The following CCDC57 variants were observed in gnomAD, a reference collection of about 807,000 sequenced individuals.
The protein encoded by CCDC57 is coiled-coil domain-containing protein 57.
CCDC57 carries 118 observed loss-of-function variants against 118.9 expected under a neutral mutation model. The ratio of observed to expected loss-of-function variants is 0.99; its 90% CI spans 0.86 to 1.16. The LOEUF is 1.16. CCDC57 is among the 50% of genes most tolerant of loss of function. The pLI is 0.00. For missense variants in CCDC57, 1,300 were observed against 1,320.7 expected, an observed-to-expected ratio of 0.98 and a Z score of 0.24; for synonymous variants, 527 against 532.9, an observed-to-expected ratio of 0.99 and a Z score of 0.15.
chr17:82,148,154 G>GATGGATGGATGGATGGATGGATGT (rs1568258432), intron 16 of CCDC57, among the ~76,000 whole-genome samples: 3 of 144,946 alleles, frequency 2.1e-5, no homozygotes, highest in Admixed American at 1.4e-4. Flanking sequence ...TGGATGGATG[G>GATGGATGGATGGATGGATGGATGT]ATGGATGGAT....
At chr17:82,157,710 A>G (rs753962316) in intron 15 of CCDC57, 38 bp downstream of exon 14, 4 of 1,550,990 alleles carry the variant, frequency 2.6e-6, no homozygotes, top group Non-Finnish European at 3.5e-6. Flanking sequence ...TGTGGCAGGA[A>G]CCTCGGCGGG....
intron 3 of CCDC57, 75 bp downstream of exon 2, chr17:82,201,463 A>T: frequency 2.1e-6 from 3 of 1,447,112 alleles, no homozygotes; most frequent in Non-Finnish European, 2.7e-6. Context: ...GTGCTCGGGC[A>T]GCACAGCGGA....
At chr17:82,152,040 C>A in intron 15 of CCDC57, 2 of 490,270 alleles carry the variant, frequency 4.1e-6, no homozygotes, top group Non-Finnish European at 7.3e-6. Context: ...CACAGCCCTC[C>A]GCCTCCTCCC....
At chr17:82,175,302 G>A (rs1443387951) in intron 11 of CCDC57, among the ~76,000 whole-genome samples, 1 of 152,276 alleles carries the variant, frequency 6.6e-6, no homozygotes, top group Non-Finnish European at 1.5e-5. Context: ...GTCCCAGGAC[G>A]CGCTGAGGGT....
intron 16 of CCDC57, among the ~76,000 whole-genome samples, chr17:82,148,043 T>G: frequency 2.3e-5 from 2 of 85,874 alleles, no homozygotes; most frequent in African/African-American, 4.8e-5. Context: ...GGTAGATGGA[T>G]GGGTGGGTGG....
intron 3 of CCDC57, among the ~76,000 whole-genome samples, chr17:82,199,054 T>C (rs1027763948): frequency 1.4e-5 from 2 of 146,608 alleles, no homozygotes; most frequent in African/African-American, 2.5e-5. Context: ...GGAGAAAAGA[T>C]AATAGGTAGA....
At chr17:82,113,448 G>C (rs1468610470) in intron 19 of CCDC57, 1 of 717,634 alleles carries the variant, frequency 1.4e-6, no homozygotes, top group Non-Finnish European at 2.6e-6. Flanking sequence ...CAAGAGAGCA[G>C]GGTCCTCTCC....
At chr17:82,132,795 T>C (rs990970497) in intron 17 of CCDC57, among the ~76,000 whole-genome samples, 6 of 149,152 alleles carry the variant, frequency 4.0e-5, no homozygotes, top group African/African-American at 1.5e-4. Flanking sequence ...AGTCTTGCTC[T>C]GTCGCCCAGG....
chr17:82,198,297 C>T lies in CCDC57; in HGVS notation c.516+17G>A, dbSNP rs372605382. The T allele has an allele frequency of 3.0e-5, 47 of 1,552,212 alleles. No individual in the cohort carries two copies. The highest frequency in any genetic ancestry group is 8.6e-5 in the Admixed American group (5 of 57,886). On this transcript the variant is annotated intron_variant, in intron 4 of 19. Transcript: ENST00000665763. ...GCAGGGAAAGCACCCAGGAAGGGGC[C>T]GACCCAGAGGCTCTACCTGTCTCTG...
At chr17:82,194,243 A>T (rs1303321657) in intron 5 of CCDC57, 104 bp from the exon 5 acceptor site, 62 of 1,231,972 alleles carry the variant, frequency 5.0e-5, no homozygotes, top group Non-Finnish European at 6.2e-5. Context: ...GGAGAAGAAA[A>T]ATGAAAATTC....
intron 16 of CCDC57, among the ~76,000 whole-genome samples, chr17:82,150,352 C>T (rs1335327169): frequency 1.7e-5 from 2 of 120,806 alleles, no homozygotes; most frequent in Non-Finnish European, 3.4e-5. Context: ...CAGAACCAGG[C>T]GCACACCCAG....
intron 17 of CCDC57, among the ~76,000 whole-genome samples, chr17:82,132,537 A>G (rs191029549): frequency 3.3e-5 from 5 of 152,054 alleles, no homozygotes; most frequent in African/African-American, 4.8e-5. Flanking sequence ...AATGGCCAAT[A>G]AATAGATTAA....
At position 82,118,734 on chromosome 17, in the gene CCDC57, G is replaced by A. The variant is rs533806923; in HGVS notation, c.2899+8958C>T. On this transcript the variant is annotated intron_variant, in intron 19 of 19. Coordinates refer to ENST00000665763, the Ensembl canonical transcript of CCDC57. This position sits in a 1 kb window ranked among gnomAD's most constrained non-coding sequence, Gnocchi z 4.7. ...CGCACTGGGTGCCACTCAGTCTGCC[G>A]CGCTTTTTATGTACGCTGACTTTTG... Among the ~76,000 whole-genome samples the A allele has an allele frequency of 3.3e-5, 5 of 152,190 alleles. No homozygotes were observed. Among genetic ancestry groups the A allele is most frequent in the South Asian group, 4.1e-4 (2 of 4,824 alleles).
chr17:82,194,777 G>A (rs1436844125), intron 5 of CCDC57, among the ~76,000 whole-genome samples: 1 of 152,236 alleles, frequency 6.6e-6, no homozygotes, highest in African/African-American at 2.4e-5. Flanking sequence ...GGTCTAGGAA[G>A]GGGCTCAGTG....
chr17:82,171,359 C>T (rs547519279), intron 13 of CCDC57, among the ~76,000 whole-genome samples: 13 of 146,262 alleles, frequency 8.9e-5, no homozygotes, highest in African/African-American at 2.8e-4. Flanking sequence ...ACAGGGAGGG[C>T]TGACTGCAGT....
In CCDC57 at chr17:82,193,193, C is replaced by T. The variant is rs78822707; in HGVS notation, c.851+563G>A. Among the ~76,000 whole-genome samples the T allele has an allele frequency of 3.5e-3, 536 of 152,246 alleles. 2 individuals are homozygous for T. The highest frequency in any genetic ancestry group is 0.012 in the African/African-American group (510 of 41,534). On this transcript the variant is annotated intron_variant, in intron 7 of 19. Transcript: ENST00000665763. The stretch of plus-strand genomic sequence containing the variant: ...CCTACTGCACCTAGTCCAAGTTCTA[C>T]GTTTTACAGCACTAAGAAGTCTAAA...
At chr17:82,178,288 C>T (rs2045780130) in intron 11 of CCDC57, among the ~76,000 whole-genome samples, 186 bp downstream of exon 10, 1 of 152,178 alleles carries the variant, frequency 6.6e-6, no homozygotes, top group African/African-American at 2.4e-5. Flanking sequence ...ATGAAAGATA[C>T]AAAGAAGCCT....
At chr17:82,112,995 T>G in intron 19 of CCDC57, 1 of 209,170 alleles carries the variant, frequency 4.8e-6, no homozygotes, top group Non-Finnish European at 9.6e-6. Flanking sequence ...TGTGTGGGCA[T>G]AGAATAAATA....
At chr17:82,171,159 C>T (rs112070023) in intron 13 of CCDC57, among the ~76,000 whole-genome samples, 45 of 105,742 alleles carry the variant, frequency 4.3e-4, no homozygotes, top group African/African-American at 8.9e-4. Flanking sequence ...ACGTGGGCTC[C>T]GGAGGGAGCA....
Sources: allele counts gnomAD v4.1 joint callset (sites outside exome capture counted in the v4.1 genomes callset), GRCh38; gene constraint gnomAD v4.1.1; non-coding constraint Gnocchi (gnomAD v3.1); transcripts MANE v1.5; gene names NCBI Gene and HGNC (gene_info 2026-07-23, HGNC 2026-07-21).